Variants in EZH1 observed in about 807,000 individuals in gnomAD.
The protein encoded by EZH1 is enhancer of zeste 1 polycomb repressive complex 2 subunit.
Under a neutral mutation model 100.5 loss-of-function variants are expected in EZH1, and 33 were observed. The ratio of observed to expected loss-of-function variants is 0.33; its 90% CI spans 0.25 to 0.44. The LOEUF (loss-of-function observed/expected upper bound fraction) is 0.44. Among genes scored for constraint, EZH1 ranks in the 20% least tolerant of loss-of-function variants. The pLI, the probability that EZH1 is intolerant of heterozygous loss-of-function variation, is 1.00. For synonymous variants in EZH1, 272 were observed against 313.8 expected, an observed-to-expected ratio of 0.87 and a Z score of 1.41; for missense variants, 475 against 928.4, an observed-to-expected ratio of 0.51 and a Z score of 6.35.
At chr17:42,734,366 C>G (rs921334627) in intron 1 of EZH1, among the ~76,000 whole-genome samples, 13 of 152,114 alleles carry the variant, frequency 8.5e-5, no homozygotes, top group Admixed American at 7.2e-4. Flanking sequence ...ATTGCAATCC[C>G]TCTTCCGTTC....
At chr17:42,708,716 G>A (rs1019286078) in intron 14 of EZH1, among the ~76,000 whole-genome samples, 160 bp downstream of exon 14, 1 of 152,172 alleles carries the variant, frequency 6.6e-6, no homozygotes, top group African/African-American at 2.4e-5. Flanking sequence ...GGTCTTCTCA[G>A]TTGCAGTGAG....
chr17:42,719,108 T>A lies in EZH1; in HGVS notation c.764A>T (p.Glu255Val). The A allele has an allele frequency of 1.9e-6, 3 of 1,612,558 alleles. No homozygotes were observed. The highest frequency in any genetic ancestry group is 2.5e-6 in the Non-Finnish European group (3 of 1,178,656). The change falls in exon 8 of 21, where the codon GAG becomes GTG. Residue 255 changes from glutamate (E) to valine (V), a missense_variant. Glu to Val is a moderately radical substitution (Grantham distance 121). Transcript: ENST00000428826. ...TAAGTGGGACAGCTTTCCCTACCTC[T>A]CCTTCATGTCATCTGGGACACCATT... ...PENGVPDDMK[E>V]RYRELTEMSD... is the part of the protein sequence containing the mutation.
intron 10 of EZH1, chr17:42,714,447 G>C: frequency 3.1e-6 from 1 of 320,874 alleles, no homozygotes. Context: ...CGTGTGCCCA[G>C]CAGACTTCGG....
At chr17:42,735,222 C>T (rs1252217831) in intron 1 of EZH1, among the ~76,000 whole-genome samples, 2 of 151,756 alleles carry the variant, frequency 1.3e-5, no homozygotes, top group African/African-American at 4.8e-5. Context: ...GCCAGGAGCT[C>T]GAGACCAGCC....
chr17:42,704,775 C>T (rs2053317292), intron 17 of EZH1, 92 bp from the exon 18 acceptor site: 2 of 935,450 alleles, frequency 2.1e-6, no homozygotes, highest in South Asian at 1.5e-5. Context: ...TGGTATCTCA[C>T]ATGGGTGCTT....
chr17:42,709,425 T>G, intron 13 of EZH1: 1 of 176,258 alleles, frequency 5.7e-6, no homozygotes, highest in Non-Finnish European at 1.2e-5. Flanking sequence ...GCAGAATTTT[T>G]TTAAAAACTT....
chr17:42,724,851 T>A (rs962447478), intron 4 of EZH1, among the ~76,000 whole-genome samples: 7 of 152,124 alleles, frequency 4.6e-5, no homozygotes, highest in African/African-American at 1.7e-4. Flanking sequence ...ATTAAATTTT[T>A]AAAATTCAGA....
chr17:42,712,235 CAG>C, intron 12 of EZH1, 52 bp downstream of exon 12: 1 of 1,570,288 alleles, frequency 6.4e-7, no homozygotes, highest in Non-Finnish European at 8.7e-7. Context: ...AAGGGCTGGA[CAG>C]AGCAATGCGT....
intron 1 of EZH1, among the ~76,000 whole-genome samples, chr17:42,738,548 A>T (rs912909218): frequency 1.3e-5 from 2 of 149,972 alleles, no homozygotes; most frequent in Non-Finnish European, 3.0e-5. Flanking sequence ...TTTGAGATGG[A>T]GTCTCACTCT....
intron 2 of EZH1, chr17:42,729,362 A>ACGC (rs2053890533): frequency 6.0e-6 from 1 of 167,512 alleles, no homozygotes; most frequent in South Asian, 1.4e-4. Context: ...AGCCGTGACC[A>ACGC]CGCCACTGCA....
At position 42,702,303 on chromosome 17, in the gene EZH1, T is replaced by G; in HGVS notation, c.*229A>C. The G allele has an allele frequency of 2.3e-6, 1 of 438,500 alleles. No individual in the cohort carries two copies. Among genetic ancestry groups the G allele is most frequent in the Admixed American group, 3.8e-5 (1 of 26,244 alleles). 27.2% of individuals were successfully genotyped at this position (438,500 alleles called of 1,614,324 possible). A position where few individuals can be genotyped will look rare whatever the true frequency, so the allele number is the denominator to read the frequency against. On this transcript the variant is annotated 3_prime_UTR_variant, in exon 21 of 21. Transcript: ENST00000428826. ...TGAGGCCAGAGAAACAGTCTCCCAT[T>G]TCTGTAACTCTCTGTCCTGGGAGAC...
chr17:42,723,112 C>G (rs1469267356), intron 5 of EZH1, among the ~76,000 whole-genome samples, 197 bp from the exon 6 acceptor site: 1 of 152,212 alleles, frequency 6.6e-6, no homozygotes, highest in Non-Finnish European at 1.5e-5. Context: ...TGTGGTGGCT[C>G]ACGCCTGCAA....
At chr17:42,713,162 G>C (rs1567989397) in intron 11 of EZH1, 47 bp downstream of exon 11, 12 of 1,584,210 alleles carry the variant, frequency 7.6e-6, no homozygotes, top group Non-Finnish European at 6.9e-6. Flanking sequence ...GGGTTTACCA[G>C]AGTCCTTGCA....
intron 1 of EZH1, among the ~76,000 whole-genome samples, chr17:42,734,555 C>A (rs2054026435): frequency 6.6e-6 from 1 of 151,522 alleles, no homozygotes; most frequent in Non-Finnish European, 1.5e-5. Context: ...TCAGTCCCAG[C>A]TACTCAGGAG....
intron 10 of EZH1, among the ~76,000 whole-genome samples, chr17:42,713,843 C>T (rs191990197): frequency 2.8e-4 from 43 of 152,260 alleles, no homozygotes; most frequent in African/African-American, 7.9e-4. Context: ...AATTAACTTG[C>T]GTGTTACTTG....
chr17:42,705,036 T>A, intron 17 of EZH1, 52 bp downstream of exon 17: 1 of 1,434,222 alleles, frequency 7.0e-7, no homozygotes, highest in South Asian at 1.2e-5. Context: ...AAATCAGAGT[T>A]TCTCATCAGT....
chr17:42,733,015 G>C (rs2053982498), intron 1 of EZH1, among the ~76,000 whole-genome samples: 1 of 128,840 alleles, frequency 7.8e-6, no homozygotes, highest in African/African-American at 3.1e-5. Context: ...GGGCAACAAA[G>C]TGAGACACCA....
Position 42,708,889 on chromosome 17 carries a change from A to T in EZH1, c.1521T>A (p.Ile507=). Residue 507 remains isoleucine, a synonymous_variant, in exon 14 of 21, where the codon ATT becomes ATA. Coordinates refer to ENST00000428826, the MANE Select transcript of EZH1 (RefSeq NM_001991.5). ...GGTAGAACTTACCTTTCTTCAGCTGAATCTTCCTGCAGTGTGCAGCCCACA... is the reference window on the plus strand; with the variant it reads ...GGTAGAACTTACCTTTCTTCAGCTGTATCTTCCTGCAGTGTGCAGCCCACA... ...HRLWAAHCRK[I]QLKKDNSSTQ... is the part of the protein sequence containing the mutation. The T allele has an allele frequency of 6.2e-7, 1 of 1,614,204 alleles. No homozygotes were observed. The highest frequency in any genetic ancestry group is 8.5e-7 in the Non-Finnish European group (1 of 1,180,038).
chr17:42,737,201 G>A (rs944453564), intron 1 of EZH1, among the ~76,000 whole-genome samples: 13 of 151,892 alleles, frequency 8.6e-5, no homozygotes, highest in Admixed American at 2.6e-4. Context: ...GCCTAGGCTC[G>A]TCTTGAACTC....
Sources: allele counts gnomAD v4.1 joint callset (sites outside exome capture counted in the v4.1 genomes callset), GRCh38; gene constraint gnomAD v4.1.1; transcripts MANE v1.5; gene names NCBI Gene and HGNC (gene_info 2026-07-23, HGNC 2026-07-21).